Variants in APP observed in about 807,000 individuals in gnomAD.
APP encodes the protein amyloid beta precursor protein, also known as amyloid-beta precursor protein.
In APP, 31 loss-of-function variants were observed where a neutral mutation model predicts 101.4. That is an observed-to-expected ratio of 0.31 (90% CI 0.23 to 0.41). APP has a LOEUF of 0.41. Ranked by LOEUF, APP falls within the 10% of genes least tolerant of loss-of-function variation. APP has a pLI of 1.00. For missense variants in APP, 839 were observed against 1,003.7 expected, an observed-to-expected ratio of 0.84 and a Z score of 2.22; for synonymous variants, 366 against 364.4, an observed-to-expected ratio of 1.00 and a Z score of -0.05.
chr21:25,975,548 CT>C (rs2042194332), intron 10 of APP, among the ~76,000 whole-genome samples: 2 of 148,906 alleles, frequency 1.3e-5, no homozygotes, highest in African/African-American at 5.2e-5. Context: ...AAAAAAATCC[CT>C]CTCTTACTAA....
At chr21:26,091,365 A>G (rs1568962758) in intron 2 of APP, among the ~76,000 whole-genome samples, 1 of 152,184 alleles carries the variant, frequency 6.6e-6, no homozygotes. Flanking sequence ...TAGTACTTGG[A>G]GAGTCAAATA....
At chr21:25,954,550 T>C in intron 13 of APP, 40 bp downstream of exon 13, 26 of 1,540,328 alleles carry the variant, frequency 1.7e-5, no homozygotes, top group Non-Finnish European at 2.2e-5. Context: ...TGGGGGAAAA[T>C]ACATGTCCAT....
chr21:26,062,345 GA>G (rs879587172), intron 3 of APP, among the ~76,000 whole-genome samples: 21 of 144,574 alleles, frequency 1.5e-4, no homozygotes, highest in East Asian at 1.0e-3. Context: ...AAAGAGAAAA[GA>G]AAAAAAAAAC....
chr21:25,896,018 A>G (rs1363605243), intron 16 of APP, among the ~76,000 whole-genome samples: 9 of 152,208 alleles, frequency 5.9e-5, no homozygotes, highest in African/African-American at 1.9e-4. Flanking sequence ...ATGGGCTTAT[A>G]TGACACAGGC....
Position 25,970,652 on chromosome 21 carries a change from A to T in APP, c.1458+4418T>A, listed in dbSNP as rs114319973. Reference sequence around the variant, plus strand: ...AACGCTAATATGAATATTCTTTTTCAAAAGCTCTTTGTTTAGAGAGGAAGC... The same window carrying T: ...AACGCTAATATGAATATTCTTTTTCTAAAGCTCTTTGTTTAGAGAGGAAGC... On this transcript the variant is annotated intron_variant, in intron 11 of 17. Coordinates refer to ENST00000346798, the MANE Select transcript of APP (RefSeq NM_000484.4). 2.8e-3 allele frequency among the ~76,000 whole-genome samples: 422 copies of T among 152,348 alleles called. 4 individuals are homozygous for T. Among genetic ancestry groups the T allele is most frequent in the African/African-American group, 8.2e-3 (341 of 41,574 alleles).
chr21:26,004,707 GT>G (rs2043447614), intron 6 of APP, among the ~76,000 whole-genome samples: 1 of 151,976 alleles, frequency 6.6e-6, no homozygotes, highest in Admixed American at 6.6e-5. Context: ...CAACGTGCAG[GT>G]TTGTTACATA....
intron 2 of APP, among the ~76,000 whole-genome samples, chr21:26,097,439 T>A (rs1568970697): frequency 1.3e-5 from 2 of 152,206 alleles, no homozygotes. Flanking sequence ...TCAGTATACA[T>A]TAAGTTCCCT....
At chr21:25,886,519 G>A (rs1290899395) in intron 17 of APP, among the ~76,000 whole-genome samples, 1 of 151,918 alleles carries the variant, frequency 6.6e-6, no homozygotes, top group Non-Finnish European at 1.5e-5. Context: ...TCAGCCTCCT[G>A]AGTAGCTGCG....
intron 6 of APP, among the ~76,000 whole-genome samples, chr21:26,006,337 T>A (rs2043529524): frequency 6.6e-6 from 1 of 152,232 alleles, no homozygotes; most frequent in Non-Finnish European, 1.5e-5. Context: ...CATTATGCCT[T>A]CTTTTGTAAC....
chr21:26,138,153 A>C (rs949447017), intron 1 of APP, among the ~76,000 whole-genome samples: 1 of 152,242 alleles, frequency 6.6e-6, no homozygotes, highest in African/African-American at 2.4e-5. Context: ...ACCTATGAAC[A>C]GAAGTAAAAT....
chr21:25,888,032 A>C (rs145330302), intron 17 of APP, among the ~76,000 whole-genome samples: 2 of 152,100 alleles, frequency 1.3e-5, no homozygotes, highest in Admixed American at 6.5e-5. Context: ...AAAACAAAAA[A>C]TCTCCTGGAA....
At chr21:25,907,100 A>T (rs1452710442) in intron 14 of APP, among the ~76,000 whole-genome samples, 3 of 152,130 alleles carry the variant, frequency 2.0e-5, no homozygotes, top group African/African-American at 7.2e-5. Context: ...GAAACTTACA[A>T]ATGATATTGT....
At chr21:25,945,402 T>TTTTTA (rs3084231) in intron 13 of APP, 1 of 141,538 alleles carries the variant, frequency 7.1e-6, no homozygotes, top group Non-Finnish European at 1.5e-5. Context: ...TTTTTTTTTT[T>TTTTTA]GCAGAAATGG....
intron 5 of APP, among the ~76,000 whole-genome samples, chr21:26,046,564 C>T (rs2045619899): frequency 6.6e-6 from 1 of 151,760 alleles, no homozygotes; most frequent in Non-Finnish European, 1.5e-5. Flanking sequence ...AAAAAATCAT[C>T]TAATTATCCA....
chr21:25,886,485 C>T (rs887980557), intron 17 of APP, among the ~76,000 whole-genome samples: 2 of 152,012 alleles, frequency 1.3e-5, no homozygotes, highest in African/African-American at 4.8e-5. Flanking sequence ...CCTCCATCTC[C>T]TGGGTTCAAG....
intron 8 of APP, among the ~76,000 whole-genome samples, chr21:25,986,255 A>C (rs1001184721): frequency 3.3e-5 from 5 of 152,224 alleles, no homozygotes; most frequent in Admixed American, 3.3e-4. Flanking sequence ...GGTCACTGAT[A>C]TATTTAAGGT....
intron 3 of APP, among the ~76,000 whole-genome samples, chr21:26,059,870 G>A (rs918306871): frequency 3.9e-4 from 44 of 113,652 alleles, no homozygotes; most frequent in Non-Finnish European, 6.4e-4. Context: ...CAGACTGAGC[G>A]AAAGAGCGAG....
At chr21:26,157,092 CAG>C (rs1407178552) in intron 1 of APP, among the ~76,000 whole-genome samples, 4 of 151,858 alleles carry the variant, frequency 2.6e-5, no homozygotes, top group African/African-American at 9.7e-5. Context: ...TTTTTTGAGA[CAG>C]AGTCTGGCTC....
intron 15 of APP, among the ~76,000 whole-genome samples, chr21:25,898,259 G>C (rs553710268): frequency 1.3e-5 from 2 of 152,120 alleles, no homozygotes; most frequent in Non-Finnish European, 2.9e-5. Context: ...GCTGAATAAA[G>C]AGCTATAGTA....
Sources: gnomAD v4.1 joint callset for allele counts (sites outside exome capture counted in the v4.1 genomes callset) on GRCh38, gnomAD v4.1.1 for gene constraint, MANE v1.5 for transcripts, NCBI Gene and HGNC (gene_info 2026-07-23, HGNC 2026-07-21) for gene names.